The following PAMR1 variants were observed in gnomAD, a reference collection of about 807,000 sequenced individuals.
PAMR1 encodes the protein inactive serine protease PAMR1.
In PAMR1, 88 loss-of-function variants were observed where a neutral mutation model predicts 81.8. The ratio of observed to expected loss-of-function variants is 1.08; its 90% CI spans 0.91 to 1.28. The LOEUF (loss-of-function observed/expected upper bound fraction) is 1.28. PAMR1 is among the 50% of genes most tolerant of loss of function. The pLI is 0.00. For synonymous variants in PAMR1, 336 were observed against 345.3 expected (o/e 0.97, Z 0.30); for missense variants, 935 against 919.7 (o/e 1.02, Z -0.21).
intron 6 of PAMR1, among the ~76,000 whole-genome samples, chr11:35,455,882 G>T (rs1018917909): frequency 2.0e-5 from 3 of 149,170 alleles, no homozygotes; most frequent in Admixed American, 6.7e-5. Context: ...GCTCTCTCTA[G>T]CTTCACTTAA....
At chr11:35,448,767 C>A (rs564455513) in intron 6 of PAMR1, among the ~76,000 whole-genome samples, 1 of 152,320 alleles carries the variant, frequency 6.6e-6, no homozygotes, top group East Asian at 1.9e-4. Context: ...TTTTTCTCAT[C>A]TTCATGGGTT....
chr11:35,501,078 G>A (rs550178835), intron 1 of PAMR1, among the ~76,000 whole-genome samples: 1 of 151,292 alleles, frequency 6.6e-6, no homozygotes, highest in South Asian at 2.1e-4. Flanking sequence ...ATTTGCTTCA[G>A]TAATAAATTA....
In PAMR1 at chr11:35,470,609, T is replaced by G; in HGVS notation, c.704A>C (p.Glu235Ala). 1.2e-6 allele frequency: 2 copies of G among 1,613,850 alleles called. No individual in the cohort carries two copies. Among genetic ancestry groups the G allele is most frequent in the Middle Eastern group, 1.7e-4 (1 of 6,060 alleles). ...GTCTCCTTGGCCTTTACCTGTGATC[T>G]CCTCATAAATGGCATGGAAACCGTC... Reference protein sequence around the residue: ...NFDGFHAIYEEITACSSSPCF... With the variant: ...NFDGFHAIYEAITACSSSPCF... The change falls in exon 5 of 11, where the codon GAG becomes GCG. Residue 235 changes from glutamate (E) to alanine (A), a missense_variant. By Grantham distance (107) the Glu-to-Ala change is moderately radical. Transcript: ENST00000619888.
intron 1 of PAMR1, 122 bp from the exon 2 acceptor site, chr11:35,494,394 C>T (rs1403296187): frequency 7.8e-6 from 6 of 768,958 alleles, no homozygotes; most frequent in South Asian, 3.3e-5. Context: ...AGTGCAGTGG[C>T]GCGATCTCGG....
chr11:35,529,264 A>T (rs1353689237), upstream of PAMR1, among the ~76,000 whole-genome samples: 1 of 152,238 alleles, frequency 6.6e-6, no homozygotes, highest in Admixed American at 6.5e-5. Context: ...AGGGAGCCAT[A>T]GCCTTCTCAT....
rs112087458 is a variant in PAMR1 at position 35,466,073 on chromosome 11, A to AT, written c.820+1927dup. Reference sequence around the variant, plus strand: ...TGATGTTTTACTTCTTTCCAATTCTATTTTTTTTTTTTTATCAAAGTATTG... The same window carrying AT: ...TGATGTTTTACTTCTTTCCAATTCTATTTTTTTTTTTTTTATCAAAGTATTG... On this transcript the variant is annotated intron_variant, in intron 6 of 10. Transcript: ENST00000619888. 1.4e-3 allele frequency among the ~76,000 whole-genome samples: 198 copies of AT among 146,328 alleles called. 1 individual carries two copies. Among genetic ancestry groups the AT allele is most frequent in the Admixed American group, 4.6e-3 (67 of 14,678 alleles).
intron 1 of PAMR1, among the ~76,000 whole-genome samples, chr11:35,498,780 C>T (rs893141747): frequency 4.6e-5 from 7 of 152,218 alleles, no homozygotes; most frequent in Non-Finnish European, 8.8e-5. Context: ...ACATTTGCTT[C>T]TCCCAAGGCC....
intron 1 of PAMR1, among the ~76,000 whole-genome samples, chr11:35,516,532 C>T (rs116339527): frequency 2.2e-4 from 33 of 152,238 alleles, no homozygotes; most frequent in African/African-American, 6.7e-4. Flanking sequence ...GAAACAAGTC[C>T]GGGCAGAGAG....
intron 1 of PAMR1, among the ~76,000 whole-genome samples, chr11:35,511,534 T>G (rs1002553845): frequency 3.9e-5 from 6 of 152,224 alleles, no homozygotes. Flanking sequence ...TGCCTGTTCC[T>G]CTTCCTTGAT....
At chr11:35,506,905 G>A (rs1169878573) in intron 1 of PAMR1, among the ~76,000 whole-genome samples, 6 of 147,504 alleles carry the variant, frequency 4.1e-5, no homozygotes, top group Admixed American at 1.4e-4. Context: ...AGCTTTCTAC[G>A]CTTTGCTCTT....
intron 2 of PAMR1, among the ~76,000 whole-genome samples, chr11:35,492,863 G>A (rs888516026): frequency 6.6e-6 from 1 of 152,166 alleles, no homozygotes; most frequent in East Asian, 1.9e-4. Flanking sequence ...AGGGAGAGGG[G>A]GGTCGTGAGA....
chr11:35,494,306 C>T, intron 1 of PAMR1, 34 bp from the exon 2 acceptor site: 1 of 1,571,782 alleles, frequency 6.4e-7, no homozygotes, highest in Non-Finnish European at 8.7e-7. Flanking sequence ...AGGCTAGGTC[C>T]TGGCAGGGAG....
chr11:35,472,412 G>A (rs1850204160), intron 4 of PAMR1, among the ~76,000 whole-genome samples: 1 of 152,216 alleles, frequency 6.6e-6, no homozygotes, highest in African/African-American at 2.4e-5. Context: ...ACTAGGTGCT[G>A]TCAGCATAGC....
intron 1 of PAMR1, among the ~76,000 whole-genome samples, chr11:35,517,546 T>C (rs1158371104): frequency 1.3e-5 from 2 of 152,228 alleles, no homozygotes; most frequent in Middle Eastern, 3.2e-3. Flanking sequence ...AGAGGCTCTG[T>C]GGTCAAACAA....
chr11:35,481,591 C>T (rs1176855583), intron 3 of PAMR1, among the ~76,000 whole-genome samples: 2 of 152,020 alleles, frequency 1.3e-5, no homozygotes, highest in East Asian at 1.9e-4. Flanking sequence ...GGCATGACCT[C>T]GGCTCACTGC....
chr11:35,498,369 C>G (rs899754829), intron 1 of PAMR1, among the ~76,000 whole-genome samples: 4 of 152,176 alleles, frequency 2.6e-5, no homozygotes, highest in Non-Finnish European at 5.9e-5. Flanking sequence ...ACGTTACTCT[C>G]TCAGTCTCAG....
At chr11:35,517,727 G>A (rs944828461) in intron 1 of PAMR1, among the ~76,000 whole-genome samples, 6 of 152,200 alleles carry the variant, frequency 3.9e-5, no homozygotes, top group African/African-American at 1.4e-4. Flanking sequence ...CCCATTTTGG[G>A]AAATGCCAAG....
chr11:35,471,364 A>G (rs911014894), intron 4 of PAMR1, among the ~76,000 whole-genome samples: 5 of 152,198 alleles, frequency 3.3e-5, no homozygotes, highest in South Asian at 2.1e-4. Context: ...CAGTTTTCAC[A>G]GTGTCCAGCG....
intron 3 of PAMR1, among the ~76,000 whole-genome samples, chr11:35,475,533 G>C (rs1401801989): frequency 6.6e-6 from 1 of 152,200 alleles, no homozygotes; most frequent in Non-Finnish European, 1.5e-5. Context: ...CTTTAAATTA[G>C]ATCATGTTTT....
Sources: gnomAD v4.1 joint callset for allele counts (sites outside exome capture counted in the v4.1 genomes callset) on GRCh38, gnomAD v4.1.1 for gene constraint, MANE v1.5 for transcripts, NCBI Gene and HGNC (gene_info 2026-07-23, HGNC 2026-07-21) for gene names.